The following NECTIN3 variants were observed in gnomAD, a reference collection of about 807,000 sequenced individuals.
NECTIN3 encodes nectin cell adhesion molecule 3.
In NECTIN3, 8 loss-of-function variants were observed where a neutral mutation model predicts 49.4. The observed-to-expected ratio is 0.16, with a 90% CI of 0.10 to 0.29. The LOEUF is 0.29. Among genes scored for constraint, NECTIN3 ranks in the 10% least tolerant of loss-of-function variants. NECTIN3 has a pLI of 1.00. For synonymous variants in NECTIN3, 277 were observed against 241.1 expected (o/e 1.15, Z -1.38); for missense variants, 581 against 654.6 (o/e 0.89, Z 1.23).
chr3:111,091,739 T>G (rs990842729), intron 1 of NECTIN3, among the ~76,000 whole-genome samples: 8 of 152,250 alleles, frequency 5.3e-5, no homozygotes, highest in African/African-American at 1.7e-4. Context: ...TTTGGGGTTA[T>G]TATAAATAAT....
chr3:111,078,144 T>C (rs187290185), intron 1 of NECTIN3, among the ~76,000 whole-genome samples: 217 of 152,338 alleles, frequency 1.4e-3, no homozygotes, highest in Non-Finnish European at 2.8e-3. Context: ...GTGATGTTCC[T>C]GGTGGCTACC....
In NECTIN3 at chr3:111,174,257, T is replaced by G. The variant is rs1286971754; in HGVS notation, c.1222-18094T>G. Among the ~76,000 whole-genome samples the G allele has an allele frequency of 2.0e-5, 3 of 152,234 alleles. No homozygotes were observed. In the East Asian group the frequency reaches 5.8e-4, roughly 29 times the overall value. Reference sequence around the variant, plus strand: ...GTCTGTATTTTAAGTCTTCAGTATGTTATCTACAATTTCAAAAATCTCTAA... The same window carrying G: ...GTCTGTATTTTAAGTCTTCAGTATGGTATCTACAATTTCAAAAATCTCTAA... On this transcript the variant is annotated intron_variant, in intron 7 of 8. Transcript: ENST00000493615.
intron 7 of NECTIN3, among the ~76,000 whole-genome samples, chr3:111,184,347 A>C (rs1368270411): frequency 6.6e-6 from 1 of 152,200 alleles, no homozygotes; most frequent in Non-Finnish European, 1.5e-5. Flanking sequence ...TGCCATTGTA[A>C]TACTGTTGAT....
intron 7 of NECTIN3, among the ~76,000 whole-genome samples, chr3:111,181,836 C>A (rs544618032): frequency 6.6e-6 from 1 of 151,722 alleles, no homozygotes; most frequent in Non-Finnish European, 1.5e-5. Context: ...TTTATTAATT[C>A]TCTCCATTGT....
At chr3:111,102,709 A>G (rs944322747) in intron 1 of NECTIN3, among the ~76,000 whole-genome samples, 2 of 152,132 alleles carry the variant, frequency 1.3e-5, no homozygotes, top group Middle Eastern at 3.2e-3. Flanking sequence ...TTCATCTAAA[A>G]CATTATTGTC....
intron 1 of NECTIN3, among the ~76,000 whole-genome samples, chr3:111,100,035 T>A (rs1217848070): frequency 6.6e-6 from 1 of 152,154 alleles, no homozygotes; most frequent in African/African-American, 2.4e-5. Flanking sequence ...CCAAAGTTCT[T>A]GCTTTTTTTT....
chr3:111,131,584 T>G (rs2034392100), intron 5 of NECTIN3, among the ~76,000 whole-genome samples: 1 of 151,978 alleles, frequency 6.6e-6, no homozygotes. Flanking sequence ...TTGAAACATT[T>G]CTAGAACCAT....
chr3:111,130,352 T>C (rs1435913386), intron 5 of NECTIN3, among the ~76,000 whole-genome samples: 3 of 151,900 alleles, frequency 2.0e-5, no homozygotes, highest in African/African-American at 7.3e-5. Flanking sequence ...AGTTAACTCA[T>C]CTAACAACTG....
At chr3:111,072,230 C>A in intron 1 of NECTIN3, 53 bp downstream of exon 1, 1 of 1,497,306 alleles carries the variant, frequency 6.7e-7, no homozygotes, top group Non-Finnish European at 8.9e-7. Context: ...ACTGAGGGTG[C>A]GGGCGCCGCG....
At chr3:111,123,329 T>C (rs1477236686) in intron 4 of NECTIN3, among the ~76,000 whole-genome samples, 2 of 152,184 alleles carry the variant, frequency 1.3e-5, no homozygotes, top group Non-Finnish European at 2.9e-5. Flanking sequence ...CAAGTTCTTT[T>C]ATTTTTTGGT....
intron 5 of NECTIN3, among the ~76,000 whole-genome samples, chr3:111,131,776 T>A (rs1415368916): frequency 6.6e-6 from 1 of 151,818 alleles, no homozygotes; most frequent in Non-Finnish European, 1.5e-5. Flanking sequence ...TGTGTCTTAT[T>A]TGGTGAGAGC....
intron 1 of NECTIN3, chr3:111,193,591 A>G (rs1399278075): frequency 1.1e-5 from 6 of 565,860 alleles, no homozygotes; most frequent in East Asian, 2.9e-5. Flanking sequence ...GAACTTGACT[A>G]TAGCTTTGTG....
At chr3:111,130,482 A>G (rs2034347519) in intron 5 of NECTIN3, among the ~76,000 whole-genome samples, 1 of 152,058 alleles carries the variant, frequency 6.6e-6, no homozygotes, top group Admixed American at 6.6e-5. Flanking sequence ...TGACCAGTTA[A>G]TCTTTTTCAT....
intron 7 of NECTIN3, among the ~76,000 whole-genome samples, chr3:111,161,403 G>A (rs954078907): frequency 6.6e-6 from 1 of 152,216 alleles, no homozygotes; most frequent in East Asian, 1.9e-4. Flanking sequence ...CTCCCCTCAT[G>A]AATATATTTC....
In NECTIN3 at chr3:111,136,482, A is replaced by G; in HGVS notation, c.*2267A>G. 1 of 983,814 alleles carries G rather than the reference A, an allele frequency of 1.0e-6. No homozygotes were observed. The highest frequency in any genetic ancestry group is 1.2e-6 in the Non-Finnish European group (1 of 828,658). 60.9% of individuals were successfully genotyped at this position (983,814 alleles called of 1,614,324 possible). A position where few individuals can be genotyped will look rare whatever the true frequency, so the allele number is the denominator to read the frequency against. On this transcript the variant is annotated 3_prime_UTR_variant, in exon 6 of 6. Coordinates refer to ENST00000485303, the MANE Select transcript of NECTIN3 (RefSeq NM_015480.3). The stretch of plus-strand genomic sequence containing the variant: ...ACTAAAAGGTTTCTGTGTTGTAAGA[A>G]TCTGATACTAGTGCTTAAGACTTTG...
intron 5 of NECTIN3, chr3:111,144,890 AC>A: frequency 6.6e-7 from 1 of 1,523,950 alleles, no homozygotes; most frequent in Non-Finnish European, 8.8e-7. Flanking sequence ...AATTTTTGTT[AC>A]TTTACAGATG....
intron 1 of NECTIN3, among the ~76,000 whole-genome samples, chr3:111,102,832 T>C (rs750490945): frequency 5.3e-5 from 8 of 152,326 alleles, no homozygotes; most frequent in Admixed American, 2.6e-4. Flanking sequence ...GTGAAAGATA[T>C]AAAATCTGTG....
intron 1 of NECTIN3, 24 bp downstream of exon 1, chr3:111,072,201 G>C (rs1417256870): frequency 2.0e-6 from 3 of 1,532,438 alleles, no homozygotes; most frequent in Admixed American, 2.0e-5. Flanking sequence ...GGCGGCCGGC[G>C]TGGGCTGAGG....
intron 1 of NECTIN3, among the ~76,000 whole-genome samples, chr3:111,104,957 G>A (rs1298544163): frequency 6.6e-6 from 1 of 152,084 alleles, no homozygotes; most frequent in Non-Finnish European, 1.5e-5. Flanking sequence ...GAGAATTAAT[G>A]TGTTAATAAT....
Sources: gnomAD v4.1 joint callset for allele counts (sites outside exome capture counted in the v4.1 genomes callset) on GRCh38, gnomAD v4.1.1 for gene constraint, MANE v1.5 for transcripts, NCBI Gene and HGNC (gene_info 2026-07-23, HGNC 2026-07-21) for gene names.